The following ANXA8 variants were observed in gnomAD, a reference collection of about 807,000 sequenced individuals.
The protein encoded by ANXA8 is VAC-beta.
A neutral mutation model predicts 26.8 loss-of-function variants in ANXA8; 9 were observed. The observed-to-expected ratio is 0.34, with a 90% CI of 0.20 to 0.59. The LOEUF (loss-of-function observed/expected upper bound fraction) is 0.59. Ranked by LOEUF, ANXA8 falls within the 20% of genes least tolerant of loss-of-function variation. The pLI is 0.84. For missense variants in ANXA8, 83 were observed against 238.5 expected (o/e 0.35, Z 4.29); for synonymous variants, 39 against 94.8 (o/e 0.41, Z 3.42).
At chr10:47,603,303 A>G in the ANXA8 span, among the ~76,000 whole-genome samples, 1 of 149,426 alleles carries the variant, frequency 6.7e-6, no homozygotes, top group Non-Finnish European at 1.5e-5. Context: ...CCAACATATT[A>G]TAGAAAGAAA....
At chr10:47,533,430 T>A in the ANXA8 span, among the ~76,000 whole-genome samples, 2 of 146,874 alleles carry the variant, frequency 1.4e-5, no homozygotes, top group African/African-American at 2.5e-5. Context: ...AGAACCTCTG[T>A]GTCAGAAAAA....
At chr10:47,501,704 G>A in the ANXA8 span, 2,044 of 317,222 alleles carry the variant, frequency 6.4e-3, 256 homozygotes, top group African/African-American at 0.046. Context: ...GCAAAACATC[G>A]TCCAAAAAAA....
At chr10:47,968,743 A>T in the ANXA8 span, among the ~76,000 whole-genome samples, 1 of 151,188 alleles carries the variant, frequency 6.6e-6, no homozygotes, top group Non-Finnish European at 1.5e-5. Flanking sequence ...ATGGTCATCA[A>T]AAGTTACAAA....
chr10:47,940,281 GC>G, the ANXA8 span, among the ~76,000 whole-genome samples: 1 of 144,772 alleles, frequency 6.9e-6, no homozygotes, highest in African/African-American at 2.8e-5. Context: ...ACAGTGCCTG[GC>G]CCAGAATAAT....
chr10:47,733,211 T>TTCTCTCTCTCTC, the ANXA8 span, among the ~76,000 whole-genome samples: 27 of 82,132 alleles, frequency 3.3e-4, no homozygotes, highest in Non-Finnish European at 4.0e-4. Context: ...CTTTCTTTCT[T>TTCTCTCTCTCTC]TCTTTCTTTC....
At chr10:47,709,631 A>AG in the ANXA8 span, among the ~76,000 whole-genome samples, 1 of 136,396 alleles carries the variant, frequency 7.3e-6, no homozygotes, top group East Asian at 2.2e-4. Context: ...CTCTGAGCTC[A>AG]GGGAAAAAAG....
the ANXA8 span, among the ~76,000 whole-genome samples, chr10:47,952,793 C>A: frequency 1.3e-5 from 2 of 149,284 alleles, no homozygotes; most frequent in Middle Eastern, 3.4e-3. Flanking sequence ...TTAGACAATT[C>A]GTCAGTGGAA....
chr10:47,482,051 CA>C (rs1839838889), intron 1 of ANXA8, among the ~76,000 whole-genome samples: 1 of 141,190 alleles, frequency 7.1e-6, no homozygotes, highest in South Asian at 2.3e-4. Context: ...AAGGCAACAC[CA>C]AAAAGAGAGG....
chr10:47,669,253 T>C, the ANXA8 span, among the ~76,000 whole-genome samples: 14 of 151,166 alleles, frequency 9.3e-5, no homozygotes, highest in African/African-American at 3.4e-4. Context: ...TAGTGCTCCC[T>C]TCACACCTGT....
At chr10:47,755,287 G>A in the ANXA8 span, among the ~76,000 whole-genome samples, 8 of 148,412 alleles carry the variant, frequency 5.4e-5, no homozygotes, top group African/African-American at 1.2e-4. Context: ...ACGAAGTCTC[G>A]CTCTGTTGCC....
the ANXA8 span, among the ~76,000 whole-genome samples, chr10:47,694,788 C>A: frequency 6.6e-6 from 1 of 151,686 alleles, no homozygotes; most frequent in East Asian, 1.9e-4. Context: ...AGACAGTTTG[C>A]TATTATAACT....
At chr10:47,506,532 G>A in the ANXA8 span, among the ~76,000 whole-genome samples, 2 of 141,292 alleles carry the variant, frequency 1.4e-5, 1 homozygote, top group East Asian at 5.8e-4. Flanking sequence ...GTTTTACCAT[G>A]TTGGTCGGGC....
chr10:47,664,336 C>A, the ANXA8 span, among the ~76,000 whole-genome samples: 1 of 152,022 alleles, frequency 6.6e-6, no homozygotes. Flanking sequence ...TGAGAATGTG[C>A]CATTGCACTC....
the ANXA8 span, chr10:47,502,487 T>C: frequency 6.2e-7 from 1 of 1,613,042 alleles, no homozygotes; most frequent in African/African-American, 1.3e-5. Flanking sequence ...TGCCCCTGGC[T>C]GCTCCCTTCC....
chr10:47,750,361 TA>T, the ANXA8 span, among the ~76,000 whole-genome samples: 4 of 135,346 alleles, frequency 3.0e-5, no homozygotes, highest in African/African-American at 1.1e-4. Flanking sequence ...TTACTTATTT[TA>T]TTTTTTTGTT....
the ANXA8 span, among the ~76,000 whole-genome samples, chr10:47,941,883 TTGTAAGATTTC>T: frequency 6.8e-6 from 1 of 147,692 alleles, no homozygotes; most frequent in Non-Finnish European, 1.5e-5. Flanking sequence ...CTATATTTGA[TTGTAAGATTTC>T]TGTACAAAAT....
chr10:47,950,600 C>T, the ANXA8 span, among the ~76,000 whole-genome samples: 1 of 150,000 alleles, frequency 6.7e-6, no homozygotes, highest in African/African-American at 2.5e-5. Flanking sequence ...CAACTTTATA[C>T]ATTTAAGAGG....
the ANXA8 span, among the ~76,000 whole-genome samples, chr10:47,976,428 C>A: frequency 6.6e-6 from 1 of 151,434 alleles, no homozygotes; most frequent in Non-Finnish European, 1.5e-5. Flanking sequence ...ATGTTCTCAG[C>A]TAGGCATGGT....
the ANXA8 span, among the ~76,000 whole-genome samples, chr10:47,548,551 T>A: frequency 4.1e-4 from 62 of 152,038 alleles, no homozygotes; most frequent in African/African-American, 1.3e-3. Context: ...TTCACCCACT[T>A]CGGTCTCCCA....
Sources: allele counts gnomAD v4.1 joint callset (sites outside exome capture counted in the v4.1 genomes callset), GRCh38; gene constraint gnomAD v4.1.1; transcripts MANE v1.5; gene names NCBI Gene and HGNC (gene_info 2026-07-23, HGNC 2026-07-21).